The following CSMD1 variants were observed in gnomAD, a reference collection of about 807,000 sequenced individuals.
The protein encoded by CSMD1 is CUB and sushi domain-containing protein 1.
CSMD1 carries 213 observed loss-of-function variants against 417.5 expected under a neutral mutation model. The observed-to-expected ratio is 0.51, with a 90% CI of 0.46 to 0.57. The LOEUF is 0.57. Among genes scored for constraint, CSMD1 ranks in the 20% least tolerant of loss-of-function variants. CSMD1 has a pLI of 0.00. For synonymous variants in CSMD1, 2,862 were observed against 1,736.8 expected (o/e 1.65, Z -16.11); for missense variants, 6,923 against 4,529.7 (o/e 1.53, Z -15.17).
At chr8:3,633,564 A>G (rs906290279) in intron 7 of CSMD1, among the ~76,000 whole-genome samples, 1 of 152,230 alleles carries the variant, frequency 6.6e-6, no homozygotes, top group Admixed American at 6.5e-5. Context: ...TCAAAAGTTC[A>G]TTTCATTTTT....
Position 4,441,095 on chromosome 8 carries a change from GTTTTTTTT to G in CSMD1, c.303-21038_303-21031del, listed in dbSNP as rs36000734. Among the ~76,000 whole-genome samples, 33 of 51,318 alleles carry G rather than the reference GTTTTTTTT, an allele frequency of 6.4e-4. 2 individuals are homozygous for G. The highest frequency in any genetic ancestry group is 1.1e-3 in the Non-Finnish European group (31 of 27,810). The allele number at this position is 51,318 out of a possible 152,430, so 33.7% of individuals were successfully genotyped here. The stretch of plus-strand genomic sequence containing the variant: ...AATAATTTGACTCGTTAATCAAAAG[GTTTTTTTT>G]TTTTTTTTTTTTTTTAAGAGATAGG... On this transcript the variant is annotated intron_variant, in intron 2 of 69. Transcript: ENST00000635120.
chr8:3,845,581 G>C (rs1803452293), intron 5 of CSMD1, among the ~76,000 whole-genome samples: 1 of 152,062 alleles, frequency 6.6e-6, no homozygotes, highest in Non-Finnish European at 1.5e-5. Context: ...TGAAGGCCTA[G>C]GACATCTCAG....
At chr8:3,384,631 T>C (rs1810855070) in intron 18 of CSMD1, among the ~76,000 whole-genome samples, 1 of 143,184 alleles carries the variant, frequency 7.0e-6, no homozygotes, top group Non-Finnish European at 1.5e-5. Context: ...CAAATTGCTA[T>C]TTATATATTG....
intron 1 of CSMD1, among the ~76,000 whole-genome samples, chr8:4,773,451 C>T (rs962189431): frequency 2.0e-5 from 3 of 152,162 alleles, no homozygotes; most frequent in African/African-American, 7.2e-5. Flanking sequence ...GAGGCCTGTG[C>T]ACCCCAGAGC....
intron 26 of CSMD1, among the ~76,000 whole-genome samples, chr8:3,230,483 T>TG (rs1798771683): frequency 1.1e-5 from 1 of 89,750 alleles, no homozygotes; most frequent in Non-Finnish European, 2.5e-5. Context: ...ATATCAAGGG[T>TG]TTTTTTAAAA....
intron 11 of CSMD1, among the ~76,000 whole-genome samples, chr8:3,485,725 A>T (rs1045308273): frequency 3.3e-5 from 5 of 151,692 alleles, no homozygotes; most frequent in African/African-American, 1.2e-4. Flanking sequence ...GTGCCACTGC[A>T]CTACAGCCTG....
At chr8:3,092,436 A>T (rs916898937) in intron 47 of CSMD1, among the ~76,000 whole-genome samples, 1 of 152,218 alleles carries the variant, frequency 6.6e-6, no homozygotes, top group African/African-American at 2.4e-5. Flanking sequence ...AACATGCATA[A>T]CCATGACCCA....
intron 5 of CSMD1, among the ~76,000 whole-genome samples, chr8:3,936,031 T>G (rs1810468165): frequency 6.6e-6 from 1 of 152,170 alleles, no homozygotes; most frequent in Non-Finnish European, 1.5e-5. Flanking sequence ...GCCTTATTGC[T>G]GATATGGAGA....
intron 3 of CSMD1, among the ~76,000 whole-genome samples, chr8:4,285,021 G>A (rs183171297): frequency 8.5e-4 from 129 of 152,174 alleles, no homozygotes; most frequent in African/African-American, 2.9e-3. Context: ...GATAATAATG[G>A]TGTCCACACC....
chr8:4,660,905 C>A (rs12680893), intron 1 of CSMD1, among the ~76,000 whole-genome samples: 1,664 of 152,206 alleles, frequency 0.011, 38 homozygotes, highest in East Asian at 0.1. Context: ...CAAATTACAA[C>A]TACAATGAGA....
chr8:4,910,820 G>A (rs1004614912), intron 1 of CSMD1, among the ~76,000 whole-genome samples: 1 of 152,118 alleles, frequency 6.6e-6, no homozygotes, highest in Non-Finnish European at 1.5e-5. Context: ...AATGTCATTA[G>A]ATAGTCATCA....
intron 6 of CSMD1, among the ~76,000 whole-genome samples, chr8:3,723,541 A>T (rs1802307045): frequency 6.6e-6 from 1 of 152,222 alleles, no homozygotes; most frequent in Non-Finnish European, 1.5e-5. Flanking sequence ...TTAAAAATGA[A>T]CAGTCAGCTA....
chr8:3,013,735 A>G (rs1368397999), intron 52 of CSMD1, among the ~76,000 whole-genome samples: 3 of 150,060 alleles, frequency 2.0e-5, no homozygotes, highest in East Asian at 2.0e-4. Flanking sequence ...TGGGCAACTG[A>G]GACTCCATCT....
At chr8:3,946,183 A>T (rs1811212163) in intron 5 of CSMD1, among the ~76,000 whole-genome samples, 1 of 152,156 alleles carries the variant, frequency 6.6e-6, no homozygotes, top group Non-Finnish European at 1.5e-5. Flanking sequence ...TACAAAGAAT[A>T]AATCTCAGTG....
chr8:3,365,242 G>C (rs1336436209), intron 20 of CSMD1, among the ~76,000 whole-genome samples: 3 of 152,306 alleles, frequency 2.0e-5, no homozygotes, highest in South Asian at 4.1e-4. Context: ...AAATCAAGTG[G>C]TCTGAGCCAG....
chr8:3,117,288 G>C (rs1816931410), intron 42 of CSMD1, among the ~76,000 whole-genome samples: 1 of 152,078 alleles, frequency 6.6e-6, no homozygotes, highest in African/African-American at 2.4e-5. Context: ...AGCCAGGATG[G>C]TCTTGATCTC....
intron 53 of CSMD1, 128 bp downstream of exon 53, chr8:2,999,828 TAG>T: frequency 4.0e-6 from 3 of 743,522 alleles, no homozygotes; most frequent in Non-Finnish European, 6.2e-6. Flanking sequence ...TTTCTTTGTA[TAG>T]GCAAAACTGA....
At chr8:3,126,580 G>A (rs937058767) in intron 41 of CSMD1, among the ~76,000 whole-genome samples, 7 of 152,152 alleles carry the variant, frequency 4.6e-5, no homozygotes, top group African/African-American at 1.7e-4. Flanking sequence ...AATTTCCCAA[G>A]TGCACACATA....
intron 2 of CSMD1, among the ~76,000 whole-genome samples, chr8:4,569,503 A>G (rs1407506760): frequency 6.6e-6 from 1 of 152,036 alleles, no homozygotes; most frequent in Non-Finnish European, 1.5e-5. Context: ...ATTGGTCTCT[A>G]TATCTGTTTT....
Sources: gnomAD v4.1 joint callset for allele counts (sites outside exome capture counted in the v4.1 genomes callset) on GRCh38, gnomAD v4.1.1 for gene constraint, MANE v1.5 for transcripts, NCBI Gene and HGNC (gene_info 2026-07-23, HGNC 2026-07-21) for gene names.